The following DPYD variants were observed in gnomAD, a reference collection of about 807,000 sequenced individuals.
DPYD encodes the protein dihydropyrimidine dehydrogenase.
In DPYD, 109 loss-of-function variants were observed where a neutral mutation model predicts 116.2. That is an observed-to-expected ratio of 0.94 (90% CI 0.80 to 1.10). DPYD has a LOEUF of 1.10. Among genes scored for constraint, DPYD ranks in the 50% least tolerant of loss-of-function variants. The pLI, the probability that DPYD is intolerant of heterozygous loss-of-function variation, is 0.00. For missense variants in DPYD, 1,302 were observed against 1,254.5 expected (o/e 1.04, Z -0.57); for synonymous variants, 440 against 432.0 (o/e 1.02, Z -0.23).
intron 19 of DPYD, among the ~76,000 whole-genome samples, chr1:97,227,526 T>G (rs1340438464): frequency 1.3e-5 from 2 of 151,878 alleles, no homozygotes; most frequent in African/African-American, 4.8e-5. Flanking sequence ...CCTATAAATA[T>G]GTACACCTAC....
At chr1:97,723,382 T>C (rs1033154599) in intron 4 of DPYD, among the ~76,000 whole-genome samples, 2 of 151,630 alleles carry the variant, frequency 1.3e-5, no homozygotes, top group African/African-American at 2.4e-5. Flanking sequence ...ATACTGTTCA[T>C]GGCTCAATAG....
At chr1:97,644,778 T>G (rs1398660026) in intron 8 of DPYD, among the ~76,000 whole-genome samples, 1 of 151,956 alleles carries the variant, frequency 6.6e-6, no homozygotes, top group Non-Finnish European at 1.5e-5. Flanking sequence ...GTTTTTAATG[T>G]CAAATATTTC....
intron 18 of DPYD, among the ~76,000 whole-genome samples, chr1:97,277,000 T>C (rs1664973651): frequency 6.6e-6 from 1 of 152,132 alleles, no homozygotes; most frequent in South Asian, 2.1e-4. Context: ...ATCTGGTACA[T>C]ACACACCATG....
chr1:97,463,515 G>T (rs1009160319), intron 13 of DPYD, among the ~76,000 whole-genome samples: 1 of 152,132 alleles, frequency 6.6e-6, no homozygotes, highest in Non-Finnish European at 1.5e-5. Context: ...AGTAGAGTGG[G>T]GTGCTGCTGA....
chr1:97,500,433 ATAAT>A (rs906900339), intron 13 of DPYD, among the ~76,000 whole-genome samples: 1 of 152,048 alleles, frequency 6.6e-6, no homozygotes, highest in African/African-American at 2.4e-5. Flanking sequence ...ATATAAATTA[ATAAT>A]TAAATAATGA....
intron 20 of DPYD, among the ~76,000 whole-genome samples, chr1:97,173,241 T>TATACGTACATATATGCACAC (rs1656889773): frequency 8.0e-6 from 1 of 124,768 alleles, no homozygotes; most frequent in Non-Finnish European, 1.7e-5. Context: ...TGCGCACACA[T>TATACGTACATATATGCACAC]ATATGTACAT....
At chr1:97,515,324 C>A (rs1027167102) in intron 13 of DPYD, among the ~76,000 whole-genome samples, 1 of 151,814 alleles carries the variant, frequency 6.6e-6, no homozygotes, top group Admixed American at 6.6e-5. Flanking sequence ...ATCACCAATA[C>A]CAATAAGTTA....
At chr1:97,873,591 A>G (rs1671764463) in intron 2 of DPYD, among the ~76,000 whole-genome samples, 1 of 152,028 alleles carries the variant, frequency 6.6e-6, no homozygotes, top group African/African-American at 2.4e-5. Context: ...ATCAAAATAC[A>G]TTTTTATATA....
At chr1:97,241,820 C>T (rs1662355546) in intron 18 of DPYD, among the ~76,000 whole-genome samples, 1 of 151,754 alleles carries the variant, frequency 6.6e-6, no homozygotes, top group Admixed American at 6.6e-5. Flanking sequence ...ATGGGAAAGA[C>T]TTGGCACAGT....
chr1:97,326,904 A>G (rs1213239525), intron 16 of DPYD, among the ~76,000 whole-genome samples: 1 of 152,074 alleles, frequency 6.6e-6, no homozygotes, highest in Non-Finnish European at 1.5e-5. Context: ...TCTCACAATT[A>G]GAACTAATGA....
In DPYD at chr1:97,811,274, C is replaced by T. The variant is rs150306548; in HGVS notation, c.233+16840G>A. On this transcript the variant is annotated intron_variant, in intron 3 of 22. Transcript: ENST00000370192. ...ATTTGATCAGTGCCACCTGCCTGCC[C>T]GTTATCCAATTTTCATGAGGATAAA... Among the ~76,000 whole-genome samples, 764 of 152,074 alleles carry T rather than the reference C, an allele frequency of 5.0e-3. 7 individuals carry two copies. Among genetic ancestry groups the T allele is most frequent in the African/African-American group, 0.017 (707 of 41,490 alleles).
At chr1:97,633,935 G>T (rs1657418789) in intron 8 of DPYD, among the ~76,000 whole-genome samples, 1 of 152,070 alleles carries the variant, frequency 6.6e-6, no homozygotes, top group Admixed American at 6.6e-5. Context: ...CTTTCTTGGT[G>T]CCAGGCTAGG....
chr1:97,617,589 A>G (rs1485851536), intron 8 of DPYD, among the ~76,000 whole-genome samples: 1 of 152,148 alleles, frequency 6.6e-6, no homozygotes, highest in African/African-American at 2.4e-5. Flanking sequence ...AACATCTCCT[A>G]TGAACTAGGG....
At chr1:97,573,239 T>C (rs1182662993) in intron 11 of DPYD, among the ~76,000 whole-genome samples, 2 of 152,192 alleles carry the variant, frequency 1.3e-5, no homozygotes, top group East Asian at 3.9e-4. Context: ...AAAAAACATT[T>C]TGTTTTTCTT....
intron 18 of DPYD, among the ~76,000 whole-genome samples, chr1:97,284,660 C>A (rs915578950): frequency 6.6e-6 from 1 of 152,018 alleles, no homozygotes; most frequent in African/African-American, 2.4e-5. Flanking sequence ...ATTCATTATT[C>A]TGCTCCCCCA....
chr1:97,513,844 A>C (rs914633856), intron 13 of DPYD, among the ~76,000 whole-genome samples: 3 of 151,874 alleles, frequency 2.0e-5, no homozygotes, highest in African/African-American at 7.2e-5. Context: ...GGAAACAAAA[A>C]AAGTAGACCT....
chr1:97,751,460 G>GTATATACATATA (rs1664906314), intron 3 of DPYD, among the ~76,000 whole-genome samples: 1 of 21,274 alleles, frequency 4.7e-5, no homozygotes, highest in African/African-American at 1.7e-4. Flanking sequence ...GTGTGTGTGT[G>GTATATACATATA]TATATATATA....
chr1:97,174,737 AGAGT>A (rs1427640663), intron 20 of DPYD, among the ~76,000 whole-genome samples: 2 of 152,206 alleles, frequency 1.3e-5, no homozygotes, highest in African/African-American at 4.8e-5. Flanking sequence ...AGTTTCTTTC[AGAGT>A]GAGTTTGCAT....
chr1:97,359,907 G>A (rs1227852529), intron 16 of DPYD, among the ~76,000 whole-genome samples: 1 of 152,096 alleles, frequency 6.6e-6, no homozygotes, highest in African/African-American at 2.4e-5. Context: ...CAAGTAACAG[G>A]CAAAATAACC....
Sources: allele counts gnomAD v4.1 joint callset (sites outside exome capture counted in the v4.1 genomes callset), GRCh38; gene constraint gnomAD v4.1.1; transcripts MANE v1.5; gene names NCBI Gene and HGNC (gene_info 2026-07-23, HGNC 2026-07-21).